The following IL1RAPL2 variants were observed in gnomAD, a reference collection of about 807,000 sequenced individuals.
IL1RAPL2 encodes the protein interleukin 1 receptor accessory protein like 2, also known as X-linked interleukin-1 receptor accessory protein-like 2.
A neutral mutation model predicts 44.1 loss-of-function variants in IL1RAPL2; 3 were observed. The observed-to-expected ratio is 0.07, with a 90% CI of 0.03 to 0.18. The LOEUF (loss-of-function observed/expected upper bound fraction) is 0.18, where lower values mean the gene tolerates loss of function less well. Among genes scored for constraint, IL1RAPL2 ranks in the 10% least tolerant of loss-of-function variants. The pLI, the probability that IL1RAPL2 is intolerant of heterozygous loss-of-function variation, is 1.00. For synonymous variants in IL1RAPL2, 181 were observed against 178.8 expected, an observed-to-expected ratio of 1.01 and a Z score of -0.10; for missense variants, 391 against 496.4, an observed-to-expected ratio of 0.79 and a Z score of 2.02.
intron 2 of IL1RAPL2, among the ~76,000 whole-genome samples, chrX:105,161,035 T>C (rs1390644948): frequency 3.6e-5 from 4 of 110,764 alleles, no homozygotes; most frequent in South Asian, 3.8e-4. Flanking sequence ...AGGCCAGCAG[T>C]TTGAGACCAG....
chrX:105,389,880 G>A (rs772468083), intron 5 of IL1RAPL2, among the ~76,000 whole-genome samples: 1 of 110,650 alleles, frequency 9.0e-6, no homozygotes, highest in South Asian at 3.8e-4. Context: ...TGTCACTTTG[G>A]GACAACATGG....
chrX:105,611,203 T>C (rs2037333775), intron 6 of IL1RAPL2, among the ~76,000 whole-genome samples: 1 of 112,468 alleles, frequency 8.9e-6, no homozygotes, highest in African/African-American at 3.2e-5. Context: ...ATACAATGTG[T>C]TTACATTTTA....
At chrX:105,325,544 TATA>T (rs2034930464) in intron 5 of IL1RAPL2, among the ~76,000 whole-genome samples, 1 of 8,788 alleles carries the variant, frequency 1.1e-4, no homozygotes, top group Admixed American at 7.0e-3. Context: ...CTTGGTTTTA[TATA>T]TATATATATA....
chrX:105,067,215 C>T (rs1212489271), intron 2 of IL1RAPL2, among the ~76,000 whole-genome samples: 1 of 111,166 alleles, frequency 9.0e-6, no homozygotes, highest in Non-Finnish European at 1.9e-5. Context: ...GAGACACACA[C>T]ACGCGCACAC....
At chrX:105,351,941 T>A (rs962593127) in intron 5 of IL1RAPL2, among the ~76,000 whole-genome samples, 5 of 111,386 alleles carry the variant, frequency 4.5e-5, no homozygotes, top group East Asian at 5.7e-4. Flanking sequence ...TCCCCCACTT[T>A]TTATTTTTAT....
intron 2 of IL1RAPL2, among the ~76,000 whole-genome samples, chrX:104,941,244 T>C (rs1925166015): frequency 9.0e-6 from 1 of 111,125 alleles, no homozygotes; most frequent in Non-Finnish European, 1.9e-5. Context: ...GGTCAAATGG[T>C]ATTTCTAGTT....
chrX:104,578,983 G>C (rs1928293006), intron 1 of IL1RAPL2, among the ~76,000 whole-genome samples: 2 of 111,376 alleles, frequency 1.8e-5, no homozygotes, highest in African/African-American at 6.5e-5. Flanking sequence ...TCTGTATTAG[G>C]AACTCAATAG....
chrX:104,951,313 A>T (rs897057559), intron 2 of IL1RAPL2, among the ~76,000 whole-genome samples: 1 of 112,449 alleles, frequency 8.9e-6, no homozygotes, highest in Non-Finnish European at 1.9e-5. Flanking sequence ...AATTGATATG[A>T]CATGTGATAA....
intron 2 of IL1RAPL2, among the ~76,000 whole-genome samples, chrX:105,133,825 C>A (rs1266216061): frequency 9.0e-6 from 1 of 110,570 alleles, no homozygotes; most frequent in East Asian, 2.9e-4. Flanking sequence ...GAAGAATTTA[C>A]CCTCATGACC....
chrX:105,595,572 A>T (rs2037202364), intron 6 of IL1RAPL2, among the ~76,000 whole-genome samples: 1 of 110,127 alleles, frequency 9.1e-6, no homozygotes, highest in Admixed American at 9.7e-5. Flanking sequence ...TTTTCATCGG[A>T]GGTATTGGCC....
At chrX:105,356,707 G>A (rs914368627) in intron 5 of IL1RAPL2, among the ~76,000 whole-genome samples, 1 of 112,279 alleles carries the variant, frequency 8.9e-6, no homozygotes, top group African/African-American at 3.2e-5. Flanking sequence ...ATGACAGCCA[G>A]GTAAATGTCA....
At chrX:105,065,460 A>G (rs1261173745) in intron 2 of IL1RAPL2, among the ~76,000 whole-genome samples, 2 of 111,885 alleles carry the variant, frequency 1.8e-5, no homozygotes, top group South Asian at 7.4e-4. Context: ...TAGGCATCCC[A>G]TCTGATCCCA....
intron 2 of IL1RAPL2, among the ~76,000 whole-genome samples, chrX:105,027,794 A>G (rs1229384489): frequency 9.0e-6 from 1 of 111,463 alleles, no homozygotes; most frequent in Non-Finnish European, 1.9e-5. Flanking sequence ...CTAAAAATTG[A>G]GCTACCATAT....
Position 105,094,163 on chromosome X carries a change from T to C in IL1RAPL2, c.83-101312T>C, listed in dbSNP as rs1043947773. On this transcript the variant is annotated intron_variant, in intron 2 of 10. Coordinates refer to ENST00000372582, the MANE Select transcript of IL1RAPL2 (RefSeq NM_017416.2). ...CAGGTTTCAATCCAGGCTATGCTAC[T>C]TTCAAGCTATGTGACCTACAGGAAA... is the stretch of plus-strand genomic sequence containing the variant. Among the ~76,000 whole-genome samples the C allele has an allele frequency of 8.1e-5, 9 of 111,726 alleles. No homozygotes were observed. In the Admixed American group the frequency reaches 8.6e-4, roughly 11 times the overall value.
chrX:105,396,599 G>A (rs1329930034), intron 5 of IL1RAPL2, among the ~76,000 whole-genome samples: 1 of 105,299 alleles, frequency 9.5e-6, no homozygotes, highest in Non-Finnish European at 2.0e-5. Context: ...CTTATCTACA[G>A]GCCTGACCTC....
At chrX:105,062,097 CTCT>C (rs1210553415) in intron 2 of IL1RAPL2, among the ~76,000 whole-genome samples, 1 of 110,357 alleles carries the variant, frequency 9.1e-6, no homozygotes. Flanking sequence ...TTGTAGTCTT[CTCT>C]TCCTTCTTTC....
chrX:105,447,368 TAAATATA>T (rs2035973013), intron 5 of IL1RAPL2, among the ~76,000 whole-genome samples: 1 of 67,300 alleles, frequency 1.5e-5, no homozygotes, highest in African/African-American at 6.3e-5. Flanking sequence ...TATATAAATA[TAAATATA>T]TAAATATATA....
chrX:104,644,741 A>G (rs1930001535), intron 1 of IL1RAPL2, among the ~76,000 whole-genome samples: 3 of 111,089 alleles, frequency 2.7e-5, no homozygotes, highest in African/African-American at 3.3e-5. Context: ...CATGAGGCAA[A>G]CATCAATTAA....
At chrX:105,640,783 GATATAGATAT>G (rs2037563751) in intron 6 of IL1RAPL2, among the ~76,000 whole-genome samples, 7 of 96,689 alleles carry the variant, frequency 7.2e-5, no homozygotes, top group East Asian at 6.3e-4. Context: ...TATAGATATA[GATATAGATAT>G]AGATAGAGAG....
Sources: allele counts gnomAD v4.1 joint callset (sites outside exome capture counted in the v4.1 genomes callset), GRCh38; gene constraint gnomAD v4.1.1; transcripts MANE v1.5; gene names NCBI Gene and HGNC (gene_info 2026-07-23, HGNC 2026-07-21).